PRKAR2A: variants seen among roughly 807,000 people sequenced by gnomAD.
The protein encoded by PRKAR2A is cAMP-dependent protein kinase type II-alpha regulatory subunit.
In PRKAR2A, 29 loss-of-function variants were observed where a neutral mutation model predicts 51.9. The ratio of observed to expected loss-of-function variants is 0.56; its 90% CI spans 0.42 to 0.76. PRKAR2A has a LOEUF of 0.76. Ranked by LOEUF, PRKAR2A falls within the 30% of genes least tolerant of loss-of-function variation. The pLI is 0.00. For synonymous variants in PRKAR2A, 178 were observed against 186.2 expected (o/e 0.96, Z 0.36); for missense variants, 445 against 512.1 (o/e 0.87, Z 1.26).
intron 1 of PRKAR2A, among the ~76,000 whole-genome samples, chr3:48,842,569 T>C (rs1030791727): frequency 5.3e-5 from 8 of 152,216 alleles, no homozygotes; most frequent in Non-Finnish European, 7.3e-5. Flanking sequence ...ATAGCTCTTA[T>C]TATTTTGAGA....
chr3:48,751,250 G>C lies in PRKAR2A; in HGVS notation c.*335C>G, dbSNP rs1459214335. ...CAAAAGCAAGAGTAGCAGCAAGAGA[G>C]GAAAGGAGCATGTTTATACTTTGGA... On this transcript the variant is annotated 3_prime_UTR_variant, in exon 11 of 11. Coordinates refer to ENST00000265563, the MANE Select transcript of PRKAR2A (RefSeq NM_004157.4). The C allele has an allele frequency of 6.2e-6, 3 of 487,506 alleles. No homozygotes were observed. The highest frequency in any genetic ancestry group is 1.2e-5 in the Non-Finnish European group (3 of 247,760). The allele number at this position is 487,506 out of a possible 1,614,324, so 30.2% of individuals were successfully genotyped here.
At chr3:48,760,213 C>T (rs1015600334) in intron 8 of PRKAR2A, among the ~76,000 whole-genome samples, 25 of 151,906 alleles carry the variant, frequency 1.6e-4, no homozygotes, top group African/African-American at 5.8e-4. Context: ...AAAAATTAGC[C>T]GGGCATGGTG....
chr3:48,817,586 G>A (rs1249253142), intron 1 of PRKAR2A, among the ~76,000 whole-genome samples: 1 of 151,520 alleles, frequency 6.6e-6, no homozygotes, highest in African/African-American at 2.4e-5. Flanking sequence ...GGTGGAGGTT[G>A]CAGTGAGCCA....
chr3:48,808,287 T>G (rs2082710519), intron 1 of PRKAR2A, among the ~76,000 whole-genome samples: 1 of 152,168 alleles, frequency 6.6e-6, no homozygotes, highest in Admixed American at 6.6e-5. Flanking sequence ...GGAGTCTCGC[T>G]CTGTCGCCCA....
chr3:48,769,556 A>C (rs1379477368), intron 6 of PRKAR2A, among the ~76,000 whole-genome samples: 1 of 151,804 alleles, frequency 6.6e-6, no homozygotes, highest in Non-Finnish European at 1.5e-5. Context: ...GCCTCACCGC[A>C]ACCTCCGTCT....
At chr3:48,828,726 A>AG (rs1165844382) in intron 1 of PRKAR2A, among the ~76,000 whole-genome samples, 48 of 151,076 alleles carry the variant, frequency 3.2e-4, no homozygotes, top group East Asian at 3.9e-4. Context: ...AAAAAAAAAA[A>AG]AAAGAAAGAA....
At chr3:48,787,461 C>T (rs986775576) in intron 4 of PRKAR2A, among the ~76,000 whole-genome samples, 1 of 152,162 alleles carries the variant, frequency 6.6e-6, no homozygotes, top group African/African-American at 2.4e-5. Flanking sequence ...GCTGGGATTA[C>T]AGGAATGAGC....
intron 5 of PRKAR2A, among the ~76,000 whole-genome samples, chr3:48,779,353 G>A (rs995847160): frequency 4.6e-5 from 7 of 152,130 alleles, no homozygotes; most frequent in Non-Finnish European, 1.0e-4. Flanking sequence ...CAGTCTTTAA[G>A]TTGTGGACAT....
chr3:48,782,883 C>T, intron 5 of PRKAR2A, 103 bp downstream of exon 5: 3 of 802,312 alleles, frequency 3.7e-6, no homozygotes, highest in Non-Finnish European at 6.2e-6. Context: ...GTTCACCTGG[C>T]CCTTAGCCTC....
chr3:48,806,924 C>G (rs1169521264), intron 2 of PRKAR2A, among the ~76,000 whole-genome samples: 1 of 152,016 alleles, frequency 6.6e-6, no homozygotes, highest in Non-Finnish European at 1.5e-5. Context: ...GGGCGCGCTA[C>G]TGTGCCTGGC....
chr3:48,746,565 A>C (rs1287913913), downstream of PRKAR2A: 1 of 152,060 alleles, frequency 6.6e-6, no homozygotes, highest in East Asian at 1.9e-4. Context: ...GTAACATAAG[A>C]CTGCACCAGA....
chr3:48,830,888 A>G (rs534523534), intron 1 of PRKAR2A, among the ~76,000 whole-genome samples: 1 of 152,288 alleles, frequency 6.6e-6, no homozygotes, highest in South Asian at 2.1e-4. Flanking sequence ...CACACTGTTC[A>G]CAACGGTTCA....
intron 1 of PRKAR2A, among the ~76,000 whole-genome samples, chr3:48,829,607 TG>T (rs2083138552): frequency 8.4e-5 from 1 of 11,924 alleles, no homozygotes; most frequent in Non-Finnish European, 1.2e-4. Flanking sequence ...CACACATAAA[TG>T]TGTGTGTGTA....
chr3:48,756,059 C>T (rs987811461), intron 9 of PRKAR2A, among the ~76,000 whole-genome samples: 6 of 151,370 alleles, frequency 4.0e-5, no homozygotes, highest in East Asian at 2.0e-4. Context: ...GGATTACAGG[C>T]GTGAGCCACT....
chr3:48,764,299 A>G (rs1241987989), intron 8 of PRKAR2A, among the ~76,000 whole-genome samples: 1 of 152,190 alleles, frequency 6.6e-6, no homozygotes, highest in East Asian at 1.9e-4. Flanking sequence ...CATCTTACAA[A>G]TTTGGTTAAT....
intron 9 of PRKAR2A, among the ~76,000 whole-genome samples, chr3:48,754,668 C>T (rs1395741299): frequency 1.3e-5 from 2 of 151,128 alleles, no homozygotes; most frequent in South Asian, 2.1e-4. Context: ...CAGCTACTTG[C>T]GAGGCTGAGG....
chr3:48,800,526 C>CTA (rs995758082), intron 2 of PRKAR2A, among the ~76,000 whole-genome samples: 4 of 148,670 alleles, frequency 2.7e-5, no homozygotes, highest in African/African-American at 7.4e-5. Flanking sequence ...AAAAAAAAAA[C>CTA]TATATACACA....
At chr3:48,754,142 C>T (rs1274744340) in intron 9 of PRKAR2A, among the ~76,000 whole-genome samples, 2 of 151,836 alleles carry the variant, frequency 1.3e-5, no homozygotes, top group African/African-American at 2.4e-5. Context: ...CCTCGTGATC[C>T]GCCTGCCTCG....
chr3:48,792,176 C>G (rs2082400038), intron 3 of PRKAR2A, among the ~76,000 whole-genome samples: 1 of 151,540 alleles, frequency 6.6e-6, no homozygotes, highest in South Asian at 2.1e-4. Context: ...GAGTCTCGCT[C>G]TGTTGCCCAG....
Sources: allele counts gnomAD v4.1 joint callset (sites outside exome capture counted in the v4.1 genomes callset), GRCh38; gene constraint gnomAD v4.1.1; transcripts MANE v1.5; gene names NCBI Gene and HGNC (gene_info 2026-07-23, HGNC 2026-07-21).